The following UBAC2 variants were observed in gnomAD, a reference collection of about 807,000 sequenced individuals.
The protein encoded by UBAC2 is ubiquitin-associated domain-containing protein 2.
In UBAC2, 26 loss-of-function variants were observed where a neutral mutation model predicts 44.0. That is an observed-to-expected ratio of 0.59 (90% CI 0.43 to 0.82). UBAC2 has a LOEUF of 0.82. Ranked by LOEUF, UBAC2 falls within the 40% of genes least tolerant of loss-of-function variation. UBAC2 has a pLI of 0.00. For synonymous variants in UBAC2, 155 were observed against 154.3 expected, an observed-to-expected ratio of 1.00 and a Z score of -0.04; for missense variants, 329 against 419.4, an observed-to-expected ratio of 0.78 and a Z score of 1.88.
At chr13:99,313,659 G>A (rs986157308) in intron 4 of UBAC2, among the ~76,000 whole-genome samples, 2 of 152,106 alleles carry the variant, frequency 1.3e-5, no homozygotes, top group East Asian at 1.9e-4. Context: ...AGGAATGTGA[G>A]GAAGGGAGGG....
At chr13:99,201,156 C>T (rs1179766900) in intron 1 of UBAC2, 2 of 1,359,510 alleles carry the variant, frequency 1.5e-6, no homozygotes, top group Non-Finnish European at 1.9e-6. Flanking sequence ...AGCCCCGCCG[C>T]CCGCCCCGAC....
intron 4 of UBAC2, chr13:99,308,656 T>C (rs1268041041): frequency 6.6e-6 from 1 of 152,192 alleles, no homozygotes; most frequent in Admixed American, 6.5e-5. Context: ...TCTGTAAAAA[T>C]AGTCGAGTAG....
chr13:99,286,667 A>G (rs2044022442), intron 4 of UBAC2, among the ~76,000 whole-genome samples: 1 of 152,134 alleles, frequency 6.6e-6, no homozygotes, highest in African/African-American at 2.4e-5. Flanking sequence ...TCCCCCAACA[A>G]GCAGTCCCCA....
chr13:99,247,196 T>C (rs59832604), intron 4 of UBAC2, among the ~76,000 whole-genome samples: 2 of 58,860 alleles, frequency 3.4e-5, no homozygotes, highest in African/African-American at 6.2e-5. Flanking sequence ...AAAACTACTG[T>C]TTTTTTTTTT....
intron 1 of UBAC2, among the ~76,000 whole-genome samples, chr13:99,238,017 T>G (rs1467429735): frequency 6.6e-6 from 1 of 152,266 alleles, no homozygotes; most frequent in Non-Finnish European, 1.5e-5. Flanking sequence ...CCCTAATATG[T>G]ATCAATTAAA....
At chr13:99,367,981 T>C in intron 8 of UBAC2, 75 bp downstream of exon 8, 4 of 1,531,256 alleles carry the variant, frequency 2.6e-6, no homozygotes, top group Non-Finnish European at 3.6e-6. Flanking sequence ...TCAACAGGAC[T>C]CAAAAGTAAT....
At chr13:99,208,581 T>A (rs34925730) in intron 1 of UBAC2, among the ~76,000 whole-genome samples, 85,218 of 152,130 alleles carry the variant, frequency 0.56, 26,088 homozygotes, top group Non-Finnish European at 0.71. Flanking sequence ...ATTCAAAGAT[T>A]AGACTTTCCC....
At chr13:99,247,798 T>C (rs957469855) in intron 4 of UBAC2, among the ~76,000 whole-genome samples, 5 of 152,138 alleles carry the variant, frequency 3.3e-5, no homozygotes, top group African/African-American at 1.2e-4. Context: ...ACATCTAATA[T>C]TTTTCTTTCC....
intron 4 of UBAC2, among the ~76,000 whole-genome samples, chr13:99,252,209 C>G (rs2043466694): frequency 6.6e-6 from 1 of 152,268 alleles, no homozygotes; most frequent in South Asian, 2.1e-4. Context: ...TGCCCTTTGG[C>G]AGGATTAATT....
chr13:99,213,431 G>A (rs968619526), intron 1 of UBAC2, among the ~76,000 whole-genome samples: 1 of 151,920 alleles, frequency 6.6e-6, no homozygotes, highest in African/African-American at 2.4e-5. Flanking sequence ...TGTGATCTCG[G>A]CTTACTGCAA....
At chr13:99,310,791 C>T (rs1351269732) in intron 4 of UBAC2, among the ~76,000 whole-genome samples, 1 of 152,056 alleles carries the variant, frequency 6.6e-6, no homozygotes, top group African/African-American at 2.4e-5. Context: ...CAAAAAAGAA[C>T]TCTGCTTTAG....
intron 6 of UBAC2, among the ~76,000 whole-genome samples, chr13:99,324,917 C>T (rs747733676): frequency 6.6e-6 from 1 of 152,092 alleles, no homozygotes; most frequent in Non-Finnish European, 1.5e-5. Flanking sequence ...TATATCCCAT[C>T]TAGGTTTGTG....
chr13:99,245,700 G>A (rs954061648), intron 4 of UBAC2, among the ~76,000 whole-genome samples: 2 of 152,190 alleles, frequency 1.3e-5, no homozygotes, highest in Non-Finnish European at 2.9e-5. Context: ...AATTAGTTGG[G>A]CGTGGTGGCA....
chr13:99,364,680 A>G (rs2045308264), intron 7 of UBAC2, among the ~76,000 whole-genome samples: 1 of 152,206 alleles, frequency 6.6e-6, no homozygotes, highest in Non-Finnish European at 1.5e-5. Context: ...ATATATATCC[A>G]GAAAAGTACA....
intron 6 of UBAC2, among the ~76,000 whole-genome samples, chr13:99,327,288 G>A (rs1257746899): frequency 2.0e-5 from 3 of 152,216 alleles, no homozygotes; most frequent in African/African-American, 7.2e-5. Flanking sequence ...GTAGAGATAA[G>A]GAAGAGGTTG....
intron 4 of UBAC2, among the ~76,000 whole-genome samples, chr13:99,257,812 GA>G (rs958544612): frequency 4.6e-4 from 70 of 151,892 alleles, no homozygotes; most frequent in African/African-American, 1.5e-3. Flanking sequence ...TCCTTAAGTT[GA>G]AAAAAATTAC....
chr13:99,364,554 T>G (rs1420131525), intron 7 of UBAC2, among the ~76,000 whole-genome samples: 11 of 152,056 alleles, frequency 7.2e-5, no homozygotes, highest in Admixed American at 5.2e-4. Context: ...TCCTTCCTTT[T>G]CTGTACTCTA....
At chr13:99,266,901 G>A (rs946524613) in intron 4 of UBAC2, among the ~76,000 whole-genome samples, 2 of 152,084 alleles carry the variant, frequency 1.3e-5, no homozygotes, top group Admixed American at 6.6e-5. Flanking sequence ...TTGCCGGATC[G>A]TGTGGTAATT....
intron 1 of UBAC2, chr13:99,215,787 C>T: frequency 1.1e-6 from 1 of 890,782 alleles, no homozygotes; most frequent in South Asian, 1.8e-5. Flanking sequence ...TCAAGCAAGG[C>T]AGAGAAAGGG....
Sources: allele counts gnomAD v4.1 joint callset (sites outside exome capture counted in the v4.1 genomes callset), GRCh38; gene constraint gnomAD v4.1.1; transcripts MANE v1.5; gene names NCBI Gene and HGNC (gene_info 2026-07-23, HGNC 2026-07-21).